The following WDR75 variants were observed in gnomAD, a reference collection of about 807,000 sequenced individuals.
WDR75 encodes the protein WD repeat-containing protein 75.
In WDR75, 52 loss-of-function variants were observed where a neutral mutation model predicts 106.1. The observed-to-expected ratio is 0.49, with a 90% CI of 0.39 to 0.62. The LOEUF is 0.62. Ranked by LOEUF, WDR75 falls within the 20% of genes least tolerant of loss-of-function variation. The pLI is 0.00. For synonymous variants in WDR75, 333 were observed against 335.5 expected, an observed-to-expected ratio of 0.99 and a Z score of 0.08; for missense variants, 905 against 970.3, an observed-to-expected ratio of 0.93 and a Z score of 0.89.
intron 1 of WDR75, among the ~76,000 whole-genome samples, chr2:189,447,689 T>A (rs1469059842): frequency 6.6e-6 from 1 of 152,218 alleles, no homozygotes; most frequent in Non-Finnish European, 1.5e-5. Flanking sequence ...GCATCATTAA[T>A]CTTTTCTGAG....
chr2:189,466,080 G>C (rs1319767647), intron 12 of WDR75, among the ~76,000 whole-genome samples: 4 of 152,092 alleles, frequency 2.6e-5, no homozygotes, highest in African/African-American at 7.2e-5. Context: ...TCAAAAGTAG[G>C]CAGGAATCTG....
intron 5 of WDR75, among the ~76,000 whole-genome samples, chr2:189,456,257 A>C (rs113905863): frequency 0.044 from 6,720 of 152,272 alleles, 185 homozygotes; most frequent in African/African-American, 0.065. Flanking sequence ...CAGGATATAG[A>C]GCAAAGTTAA....
intron 17 of WDR75, among the ~76,000 whole-genome samples, chr2:189,470,533 C>CT (rs555475903): frequency 5.3e-4 from 78 of 146,916 alleles, no homozygotes; most frequent in Non-Finnish European, 7.4e-4. Flanking sequence ...TTTTCTTTTT[C>CT]TTTTTTTTTT....
At chr2:189,449,605 A>C in intron 2 of WDR75, 41 of 1,040,912 alleles carry the variant, frequency 3.9e-5, no homozygotes, top group Non-Finnish European at 4.8e-5. Flanking sequence ...AAATTAGAGA[A>C]GGGCAGTTTT....
chr2:189,451,213 A>G (rs569059516), intron 3 of WDR75, among the ~76,000 whole-genome samples: 2 of 152,354 alleles, frequency 1.3e-5, no homozygotes, highest in African/African-American at 4.8e-5. Flanking sequence ...CCAAAAACCA[A>G]TAAGGAAAAA....
chr2:189,459,310 A>G (rs1686812152), intron 7 of WDR75, 26 bp from the exon 8 acceptor site: 1 of 1,561,622 alleles, frequency 6.4e-7, no homozygotes, highest in Non-Finnish European at 8.8e-7. Context: ...TATGGTCAAA[A>G]TAAGAGTTTT....
At chr2:189,450,285 A>G in intron 2 of WDR75, 1 of 985,612 alleles carries the variant, frequency 1.0e-6, no homozygotes, top group Non-Finnish European at 1.2e-6. Context: ...GAGTTTGGCT[A>G]ATAAAACTGA....
At chr2:189,442,379 A>G (rs1574183472) in intron 1 of WDR75, among the ~76,000 whole-genome samples, 1 of 147,444 alleles carries the variant, frequency 6.8e-6, no homozygotes, top group Admixed American at 6.8e-5. Context: ...AAATCAAAAA[A>G]CCCTTTCTGC....
At chr2:189,459,582 A>G (rs1361903563) in intron 8 of WDR75, among the ~76,000 whole-genome samples, 158 bp downstream of exon 8, 1 of 152,212 alleles carries the variant, frequency 6.6e-6, no homozygotes, top group African/African-American at 2.4e-5. Context: ...GCTCAGCACA[A>G]TATGCTTTAG....
chr2:189,459,780 T>C (rs1347233101), intron 8 of WDR75, among the ~76,000 whole-genome samples: 1 of 152,220 alleles, frequency 6.6e-6, no homozygotes, highest in East Asian at 1.9e-4. Context: ...CATTATCTGA[T>C]TTAATCATTG....
intron 4 of WDR75, among the ~76,000 whole-genome samples, chr2:189,454,070 A>G (rs1202600449): frequency 1.3e-5 from 2 of 152,210 alleles, no homozygotes; most frequent in Non-Finnish European, 2.9e-5. Flanking sequence ...ATTAGTTAAT[A>G]TGATACAGTA....
chr2:189,464,331 A>G, intron 11 of WDR75: 1 of 184,782 alleles, frequency 5.4e-6, no homozygotes, highest in South Asian at 1.3e-4. Flanking sequence ...TCACATATTG[A>G]AGATAAAATT....
intron 1 of WDR75, among the ~76,000 whole-genome samples, chr2:189,444,106 T>TG (rs1159502560): frequency 6.6e-6 from 1 of 152,062 alleles, no homozygotes; most frequent in Non-Finnish European, 1.5e-5. Context: ...ATTTTTTTTT[T>TG]GTCATCTATA....
chr2:189,446,936 A>G (rs1218957952), intron 1 of WDR75, among the ~76,000 whole-genome samples: 1 of 152,200 alleles, frequency 6.6e-6, no homozygotes. Flanking sequence ...AATAGTGGAT[A>G]GGATAAACTA....
intron 6 of WDR75, 89 bp from the exon 7 acceptor site, chr2:189,458,664 T>C: frequency 8.4e-7 from 1 of 1,184,576 alleles, no homozygotes; most frequent in Admixed American, 3.5e-5. Flanking sequence ...TTTTGGTTGC[T>C]ATTGCTGGGA....
intron 1 of WDR75, among the ~76,000 whole-genome samples, chr2:189,444,478 T>C (rs934942810): frequency 5.9e-5 from 9 of 152,324 alleles, no homozygotes; most frequent in African/African-American, 2.2e-4. Flanking sequence ...CACAGTTATA[T>C]GGTGCTGTGA....
chr2:189,459,238 G>T (rs78478456), intron 7 of WDR75, 98 bp from the exon 8 acceptor site: 36,452 of 842,512 alleles, frequency 0.043, 1,161 homozygotes, highest in African/African-American at 0.14. Flanking sequence ...TTATGATTTA[G>T]TATGTTTGGT....
In WDR75 at chr2:189,441,497, TGGA is replaced by T. The variant is rs1450738693; in HGVS notation, c.13_15del (p.Glu5del). 4.5e-6 allele frequency: 7 copies of T among 1,561,664 alleles called. No homozygotes were observed. Among genetic ancestry groups the T allele is most frequent in the East Asian group, 2.4e-5 (1 of 42,138 alleles). ...CCATTCCGCTACTGCGCAAAGATGG[TGGA>T]GGAGGAGAACATCCGCGTGGTTCGT... On this transcript the variant is annotated inframe_deletion, in exon 1 of 21. Transcript: ENST00000314761.
intron 18 of WDR75, among the ~76,000 whole-genome samples, chr2:189,473,977 C>A (rs1203500239): frequency 1.3e-5 from 2 of 152,134 alleles, no homozygotes; most frequent in African/African-American, 2.4e-5. Context: ...ATTATTCTGT[C>A]ATCTAAGTGT....
Sources: gnomAD v4.1 joint callset for allele counts (sites outside exome capture counted in the v4.1 genomes callset) on GRCh38, gnomAD v4.1.1 for gene constraint, MANE v1.5 for transcripts, NCBI Gene and HGNC (gene_info 2026-07-23, HGNC 2026-07-21) for gene names.